The following SYNRG variants were observed in gnomAD, a reference collection of about 807,000 sequenced individuals.
SYNRG encodes synergin gamma, also known as AP1 gamma subunit binding protein 1.
In SYNRG, 37 loss-of-function variants were observed where a neutral mutation model predicts 130.9. That is an observed-to-expected ratio of 0.28 (90% CI 0.22 to 0.37). SYNRG has a LOEUF of 0.37. Among genes scored for constraint, SYNRG ranks in the 10% least tolerant of loss-of-function variants. The pLI is 1.00. For missense variants in SYNRG, 1,338 were observed against 1,588.9 expected (o/e 0.84, Z 2.68); for synonymous variants, 539 against 568.1 (o/e 0.95, Z 0.73).
At chr17:37,606,846 C>T (rs2063791015) in intron 1 of SYNRG, among the ~76,000 whole-genome samples, 1 of 152,066 alleles carries the variant, frequency 6.6e-6, no homozygotes, top group African/African-American at 2.4e-5. Context: ...AGTTATAGTT[C>T]ATGGATTTTC....
chr17:37,580,510 T>TGAGAGAGAGAGAGA lies in SYNRG; in HGVS notation c.590-2911_590-2898dup, dbSNP rs71135748. Among the ~76,000 whole-genome samples the TGAGAGAGAGAGAGA allele has an allele frequency of 3.1e-3, 394 of 127,686 alleles. 3 individuals carry two copies. Among genetic ancestry groups the TGAGAGAGAGAGAGA allele is most frequent in the Middle Eastern group, 0.026 (7 of 268 alleles). 83.8% of individuals were successfully genotyped at this position (127,686 alleles called of 152,430 possible). A position where few individuals can be genotyped will look rare whatever the true frequency, so the allele number is the denominator to read the frequency against. On this transcript the variant is annotated intron_variant, in intron 6 of 21. Coordinates refer to ENST00000612223, the MANE Select transcript of SYNRG (RefSeq NM_007247.6). ...GTGTGTGTGTGTGTGTGTGTGTGTG[T>TGAGAGAGAGAGAGA]GAGAGAGAGAGAGAGAGAGAGAGAG...
At chr17:37,568,722 C>T (rs2060186236) in intron 11 of SYNRG, 69 bp downstream of exon 11, 1 of 1,543,558 alleles carries the variant, frequency 6.5e-7, no homozygotes, top group Non-Finnish European at 8.8e-7. Context: ...TCACACCTAG[C>T]CTTCCTATTA....
chr17:37,577,692 A>G, intron 6 of SYNRG, 79 bp from the exon 7 acceptor site: 1 of 770,452 alleles, frequency 1.3e-6, no homozygotes. Context: ...CCACCCCCAT[A>G]TTCTTTTTTT....
intron 3 of SYNRG, among the ~76,000 whole-genome samples, chr17:37,595,403 A>C (rs2062670782): frequency 6.6e-6 from 1 of 152,242 alleles, no homozygotes; most frequent in South Asian, 2.1e-4. Flanking sequence ...GCAGAAACAA[A>C]AAACCAAATA....
chr17:37,546,565 T>C (rs994392191), intron 14 of SYNRG, among the ~76,000 whole-genome samples: 4 of 152,230 alleles, frequency 2.6e-5, no homozygotes, highest in East Asian at 1.9e-4. Context: ...ATAACCTCTA[T>C]TCAAATCTCT....
chr17:37,544,140 G>A (rs8081178), intron 14 of SYNRG, among the ~76,000 whole-genome samples: 145 of 152,248 alleles, frequency 9.5e-4, no homozygotes, highest in African/African-American at 2.9e-3. Context: ...GGAAAGGGGT[G>A]CTAAGTGAAT....
intron 3 of SYNRG, among the ~76,000 whole-genome samples, chr17:37,590,007 C>T (rs892645516): frequency 4.6e-5 from 7 of 151,834 alleles, no homozygotes; most frequent in African/African-American, 1.7e-4. Context: ...CCCATCTCTA[C>T]TAAAAATACA....
chr17:37,584,480 C>T (rs1308076915), intron 6 of SYNRG, 168 bp downstream of exon 6: 4 of 518,160 alleles, frequency 7.7e-6, no homozygotes, highest in Non-Finnish European at 1.4e-5. Flanking sequence ...TTATCCAGAC[C>T]AGAGCTCTTA....
rs751205723 is a variant in SYNRG at position 37,609,316 on chromosome 17, C to T, written c.40G>A (p.Ala14Thr). The T allele has an allele frequency of 2.0e-6, 3 of 1,467,562 alleles. No individual in the cohort carries two copies. Among genetic ancestry groups the T allele is most frequent in the Admixed American group, 5.1e-5 (2 of 39,548 alleles). The allele number at this position is 1,467,562 out of a possible 1,614,324, so 90.9% of individuals were successfully genotyped here. Residue 14 changes from alanine (A) to threonine (T), a missense_variant, in exon 1 of 22, where the codon GCC becomes ACC. Around this residue, in one of 3 missense-constraint regions of SYNRG, gnomAD observed 184 missense variants for 217.2 expected, o/e 0.85. Coordinates refer to ENST00000612223, the MANE Select transcript of SYNRG (RefSeq NM_007247.6). Reference protein sequence around the residue: ...RPGAGSGGGGAAGAGAGSAGG... With the variant: ...RPGAGSGGGGTAGAGAGSAGG... ...GCGGACCCCGCGCCAGCTCCCGCGG[C>T]CCCGCCGCCACCAGAACCAGCTCCT...
intron 14 of SYNRG, among the ~76,000 whole-genome samples, chr17:37,552,349 T>C (rs2058772376): frequency 6.6e-6 from 1 of 152,170 alleles, no homozygotes; most frequent in African/African-American, 2.4e-5. Context: ...GAAGTTGAAC[T>C]AGAGAGTAAA....
chr17:37,522,852 G>T (rs542412512), intron 19 of SYNRG, among the ~76,000 whole-genome samples: 3 of 152,008 alleles, frequency 2.0e-5, no homozygotes, highest in African/African-American at 7.2e-5. Flanking sequence ...TATTGGCCAG[G>T]CTGGTCTTGA....
intron 14 of SYNRG, among the ~76,000 whole-genome samples, chr17:37,551,876 A>C (rs1316314770): frequency 9.2e-6 from 1 of 108,232 alleles, no homozygotes; most frequent in Non-Finnish European, 1.6e-5. Context: ...GGAAAAGTAC[A>C]AAAAAAAAAA....
intron 11 of SYNRG, among the ~76,000 whole-genome samples, 158 bp from the exon 12 acceptor site, chr17:37,561,747 T>TA (rs549115936): frequency 5.8e-4 from 85 of 145,300 alleles, no homozygotes; most frequent in East Asian, 1.4e-3. Flanking sequence ...ATACCACAAA[T>TA]AAAAAAAAAA....
chr17:37,575,927 A>G (rs535074355), intron 8 of SYNRG, among the ~76,000 whole-genome samples: 198 of 152,050 alleles, frequency 1.3e-3, no homozygotes, highest in Non-Finnish European at 1.9e-3. Context: ...TTTATTTCAT[A>G]TAGTATTACA....
intron 9 of SYNRG, among the ~76,000 whole-genome samples, chr17:37,571,288 TAA>T (rs1395712886): frequency 6.6e-6 from 1 of 152,176 alleles, no homozygotes; most frequent in Non-Finnish European, 1.5e-5. Flanking sequence ...ATGTTAATAT[TAA>T]AAGTCTTTAG....
chr17:37,565,350 A>G (rs943678510), intron 11 of SYNRG, among the ~76,000 whole-genome samples: 1 of 150,626 alleles, frequency 6.6e-6, no homozygotes, highest in African/African-American at 2.4e-5. Flanking sequence ...CAAAGTATCA[A>G]TGGTGCCCAG....
At chr17:37,599,407 T>C (rs976644272) in intron 2 of SYNRG, among the ~76,000 whole-genome samples, 3 of 152,174 alleles carry the variant, frequency 2.0e-5, no homozygotes, top group African/African-American at 7.2e-5. Flanking sequence ...AAGGTATACT[T>C]AGAGAAATTT....
At chr17:37,548,856 C>A (rs1030070540) in intron 14 of SYNRG, among the ~76,000 whole-genome samples, 2 of 144,606 alleles carry the variant, frequency 1.4e-5, no homozygotes, top group African/African-American at 2.6e-5. Flanking sequence ...CACAAAAAAA[C>A]GGGCGTGGTG....
chr17:37,591,962 C>T (rs913300366), intron 3 of SYNRG, among the ~76,000 whole-genome samples: 1 of 151,988 alleles, frequency 6.6e-6, no homozygotes, highest in African/African-American at 2.4e-5. Flanking sequence ...TAAATTTCAT[C>T]GAAATTGAAC....
Sources: allele counts gnomAD v4.1 joint callset (sites outside exome capture counted in the v4.1 genomes callset), GRCh38; gene constraint gnomAD v4.1.1; regional missense constraint gnomAD v4.1.1; transcripts MANE v1.5; gene names NCBI Gene and HGNC (gene_info 2026-07-23, HGNC 2026-07-21).